The following COG6 variants were observed in gnomAD, a reference collection of about 807,000 sequenced individuals.
COG6 encodes component of oligomeric golgi complex 6, also known as conserved oligomeric Golgi complex subunit 6.
In COG6, 74 loss-of-function variants were observed where a neutral mutation model predicts 88.8. That is an observed-to-expected ratio of 0.83 (90% CI 0.69 to 1.01). The LOEUF is 1.01. Ranked by LOEUF, COG6 falls within the 50% of genes least tolerant of loss-of-function variation. The pLI is 0.00. For missense variants in COG6, 800 were observed against 797.9 expected (o/e 1.00, Z -0.03); for synonymous variants, 286 against 278.7 (o/e 1.03, Z -0.26).
rs1417172008 is a variant in COG6 at position 39,758,245 on chromosome 13, AC to A, written c.1827-30089del. Among the ~76,000 whole-genome samples the A allele has an allele frequency of 1.8e-3, 248 of 138,822 alleles. 1 individual carries two copies. The highest frequency in any genetic ancestry group is 6.5e-3 in the African/African-American group (237 of 36,396). 91.1% of individuals were successfully genotyped at this position (138,822 alleles called of 152,430 possible). The stretch of plus-strand genomic sequence containing the variant: ...AAAAAAAAAAAAAAAAAAAAAAATG[AC>A]GAGCTGGACGCGGTGGCTCATGCCT... On this transcript the variant is annotated intron_variant, in intron 18 of 18. Transcript: ENST00000416691.
chr13:39,724,066 A>C (rs1878997084), intron 16 of COG6, among the ~76,000 whole-genome samples: 1 of 152,094 alleles, frequency 6.6e-6, no homozygotes, highest in Non-Finnish European at 1.5e-5. Context: ...GTTATGGCCC[A>C]GAAACTCTTA....
intron 18 of COG6, among the ~76,000 whole-genome samples, chr13:39,782,686 A>G (rs1244437130): frequency 2.0e-5 from 3 of 152,198 alleles, no homozygotes; most frequent in Non-Finnish European, 4.4e-5. Flanking sequence ...AGTAGAAGAC[A>G]GGAGCCATAG....
downstream of COG6, among the ~76,000 whole-genome samples, chr13:39,755,770 C>T (rs1048590436): frequency 2.9e-4 from 44 of 152,310 alleles, no homozygotes; most frequent in African/African-American, 9.9e-4. Flanking sequence ...AACAGACACA[C>T]AGAGTCCTTC....
chr13:39,731,706 C>T (rs1879463844), intron 18 of COG6, among the ~76,000 whole-genome samples: 1 of 152,032 alleles, frequency 6.6e-6, no homozygotes, highest in Non-Finnish European at 1.5e-5. Flanking sequence ...AAGCATGTAC[C>T]TATAATGGAG....
Position 39,679,605 on chromosome 13 carries a change from A to G in COG6, c.608A>G (p.Asn203Ser), listed in dbSNP as rs1876188478. 6.2e-7 allele frequency: 1 copy of G among 1,603,280 alleles called. No individual in the cohort carries two copies. The highest frequency in any genetic ancestry group is 1.1e-5 in the South Asian group (1 of 90,878). Reference protein sequence around the residue: ...HNDVKVLLRTNQQTAGLEIME... With the variant: ...HNDVKVLLRTSQQTAGLEIME... Reference sequence around the variant, plus strand: ...GATGTCAAAGTTCTCTTGCGTACAAATCAACAAACGGCAGGGTGAGTAACT... The same window carrying G: ...GATGTCAAAGTTCTCTTGCGTACAAGTCAACAAACGGCAGGGTGAGTAACT... The change falls in exon 6 of 19, where the codon AAT becomes AGT. Residue 203 changes from asparagine to serine, a missense_variant. Coordinates refer to ENST00000455146, the MANE Select transcript of COG6 (RefSeq NM_020751.3).
At chr13:39,748,326 A>C (rs1388440546) in intron 18 of COG6, among the ~76,000 whole-genome samples, 1 of 152,192 alleles carries the variant, frequency 6.6e-6, no homozygotes, top group Non-Finnish European at 1.5e-5. Flanking sequence ...ATCAAAAAAT[A>C]TCTCCAGGCT....
At chr13:39,685,158 G>C (rs988407860) in intron 8 of COG6, among the ~76,000 whole-genome samples, 1 of 151,876 alleles carries the variant, frequency 6.6e-6, no homozygotes, top group Non-Finnish European at 1.5e-5. Flanking sequence ...TTTAACTGTA[G>C]CTAAACACAA....
intron 18 of COG6, among the ~76,000 whole-genome samples, chr13:39,737,834 G>A (rs74044159): frequency 0.022 from 3,393 of 152,142 alleles, 129 homozygotes; most frequent in African/African-American, 0.077. Context: ...GGTTCTGACC[G>A]CTGGGATGGA....
At chr13:39,713,379 C>T (rs1313139106) in intron 13 of COG6, among the ~76,000 whole-genome samples, 1 of 152,146 alleles carries the variant, frequency 6.6e-6, no homozygotes, top group African/African-American at 2.4e-5. Flanking sequence ...AGGGTCTCTT[C>T]CCTAAGGGAG....
chr13:39,721,560 G>A (rs771333142), intron 15 of COG6, among the ~76,000 whole-genome samples: 1 of 152,068 alleles, frequency 6.6e-6, no homozygotes, highest in African/African-American at 2.4e-5. Context: ...AGTGCTTATT[G>A]GCCTATTCTT....
intron 18 of COG6, among the ~76,000 whole-genome samples, chr13:39,728,648 T>C (rs1409862061): frequency 6.6e-6 from 1 of 152,016 alleles, no homozygotes; most frequent in African/African-American, 2.4e-5. Context: ...ACTGTTATGC[T>C]GTGACTCAGG....
At chr13:39,689,385 T>C (rs1013488731) in intron 10 of COG6, among the ~76,000 whole-genome samples, 1 of 152,198 alleles carries the variant, frequency 6.6e-6, no homozygotes, top group Non-Finnish European at 1.5e-5. Flanking sequence ...CAGCACTGCC[T>C]GGAACAAGAT....
At position 39,665,981 on chromosome 13, in the gene COG6, T is replaced by C. The variant is rs989442267; in HGVS notation, c.428+827T>C. ...ATTGGAACACAGCTATGGTTGTGTTTACATACTGTCTATGGCTGCTTTTAC... is the reference window on the plus strand; with the variant it reads ...ATTGGAACACAGCTATGGTTGTGTTCACATACTGTCTATGGCTGCTTTTAC... On this transcript the variant is annotated intron_variant, in intron 4 of 18. Transcript: ENST00000455146. Among the ~76,000 whole-genome samples the C allele has an allele frequency of 5.3e-5, 8 of 152,364 alleles. No individual in the cohort carries two copies. The East Asian group carries it at 1.5e-3, about 29-fold the overall frequency.
intron 18 of COG6, among the ~76,000 whole-genome samples, chr13:39,777,152 C>A (rs1347616942): frequency 6.6e-6 from 1 of 152,130 alleles, no homozygotes; most frequent in Non-Finnish European, 1.5e-5. Flanking sequence ...TTAAATATGA[C>A]CCTGCCACTG....
chr13:39,721,226 A>G (rs9603601), intron 15 of COG6, among the ~76,000 whole-genome samples: 106 of 152,196 alleles, frequency 7.0e-4, no homozygotes, highest in African/African-American at 2.5e-3. Flanking sequence ...TATGTGTTCC[A>G]TAGCTATTTT....
intron 18 of COG6, among the ~76,000 whole-genome samples, chr13:39,758,557 A>G (rs1880917796): frequency 6.6e-6 from 1 of 152,210 alleles, no homozygotes; most frequent in Non-Finnish European, 1.5e-5. Flanking sequence ...CTTTGCACAT[A>G]CTAAGGTGGC....
At chr13:39,736,545 G>C (rs750559612) in intron 18 of COG6, among the ~76,000 whole-genome samples, 1 of 152,064 alleles carries the variant, frequency 6.6e-6, no homozygotes, top group Non-Finnish European at 1.5e-5. Context: ...TACAAAATTA[G>C]CCAGGCATAG....
chr13:39,745,396 A>G (rs923785824), intron 18 of COG6, among the ~76,000 whole-genome samples: 4 of 152,044 alleles, frequency 2.6e-5, no homozygotes, highest in African/African-American at 9.7e-5. Flanking sequence ...AATTTACAAG[A>G]AAAAAAACCA....
intron 18 of COG6, among the ~76,000 whole-genome samples, chr13:39,776,706 C>A (rs1390710338): frequency 6.6e-6 from 1 of 151,874 alleles, no homozygotes; most frequent in South Asian, 2.1e-4. Flanking sequence ...TTCTTTCAAG[C>A]GGTTTGTCTG....
Sources: gnomAD v4.1 joint callset for allele counts (sites outside exome capture counted in the v4.1 genomes callset) on GRCh38, gnomAD v4.1.1 for gene constraint, MANE v1.5 for transcripts, NCBI Gene and HGNC (gene_info 2026-07-23, HGNC 2026-07-21) for gene names.